TTC29: variants seen among roughly 807,000 people sequenced by gnomAD.
TTC29 encodes tetratricopeptide repeat domain 29.
Under a neutral mutation model 58.1 loss-of-function variants are expected in TTC29, and 49 were observed. That is an observed-to-expected ratio of 0.84 (90% CI 0.67 to 1.07). The LOEUF (loss-of-function observed/expected upper bound fraction) is 1.07, where lower values mean the gene tolerates loss of function less well. Ranked by LOEUF, TTC29 falls within the 50% of genes least tolerant of loss-of-function variation. The pLI is 0.00. For missense variants in TTC29, 582 were observed against 555.6 expected (o/e 1.05, Z -0.48); for synonymous variants, 209 against 196.8 (o/e 1.06, Z -0.52).
intron 8 of TTC29, among the ~76,000 whole-genome samples, chr4:146,853,701 G>T (rs558528473): frequency 1.3e-5 from 2 of 152,084 alleles, no homozygotes; most frequent in Non-Finnish European, 2.9e-5. Flanking sequence ...GTCAAAAGAT[G>T]TACAAAATTT....
intron 4 of TTC29, among the ~76,000 whole-genome samples, chr4:146,930,700 G>C (rs1735274105): frequency 6.6e-6 from 1 of 152,178 alleles, no homozygotes; most frequent in African/African-American, 2.4e-5. Context: ...AATACAGAAA[G>C]AAGACACTAT....
intron 11 of TTC29, among the ~76,000 whole-genome samples, chr4:146,793,969 G>A (rs781594704): frequency 7.9e-5 from 12 of 152,112 alleles, no homozygotes; most frequent in Non-Finnish European, 1.5e-4. Context: ...ATCTATTTAA[G>A]CATCCACTTG....
At chr4:146,779,004 G>GAAAAAAAAAAA (rs71592470) in intron 11 of TTC29, among the ~76,000 whole-genome samples, 5 of 79,840 alleles carry the variant, frequency 6.3e-5, no homozygotes, top group Admixed American at 1.6e-4. Context: ...AAAAAAAAAA[G>GAAAAAAAAAAA]AAAAGAAAAG....
chr4:146,872,762 C>G (rs1027218243), intron 7 of TTC29, among the ~76,000 whole-genome samples: 2 of 152,054 alleles, frequency 1.3e-5, no homozygotes, highest in African/African-American at 4.8e-5. Flanking sequence ...AATGGCTAAA[C>G]TTAAACCCTC....
intron 10 of TTC29, among the ~76,000 whole-genome samples, chr4:146,810,588 CTTTTTTTTT>C (rs398051307): frequency 1.0e-5 from 1 of 96,284 alleles, no homozygotes; most frequent in African/African-American, 4.0e-5. Context: ...TACATACCTT[CTTTTTTTTT>C]TTTTTTTTTT....
intron 11 of TTC29, among the ~76,000 whole-genome samples, chr4:146,734,008 GA>G (rs1394737642): frequency 6.6e-6 from 1 of 152,078 alleles, no homozygotes; most frequent in Non-Finnish European, 1.5e-5. Flanking sequence ...CTAATAAATG[GA>G]AACATTGGAT....
At chr4:146,846,371 A>G (rs567952146) in intron 8 of TTC29, among the ~76,000 whole-genome samples, 27 of 152,298 alleles carry the variant, frequency 1.8e-4, no homozygotes, top group African/African-American at 6.3e-4. Context: ...CCGGTGGGTC[A>G]GAGACTGAAC....
intron 11 of TTC29, among the ~76,000 whole-genome samples, chr4:146,791,520 CCT>C (rs1042870699): frequency 7.0e-4 from 106 of 152,214 alleles, no homozygotes; most frequent in African/African-American, 2.4e-3. Flanking sequence ...CAGCCATTCC[CCT>C]GTCTCTCCCC....
At chr4:146,872,844 A>G (rs1206492862) in intron 7 of TTC29, among the ~76,000 whole-genome samples, 5 of 152,104 alleles carry the variant, frequency 3.3e-5, no homozygotes, top group Non-Finnish European at 7.4e-5. Flanking sequence ...TAAGTTGAAC[A>G]CAGTTATCAT....
chr4:146,877,507 C>A (rs1731346889), intron 6 of TTC29, among the ~76,000 whole-genome samples: 1 of 152,096 alleles, frequency 6.6e-6, no homozygotes, highest in African/African-American at 2.4e-5. Context: ...TCATCTCTCC[C>A]ACGTAGCACC....
At chr4:146,932,715 G>T (rs1024487909) in intron 4 of TTC29, among the ~76,000 whole-genome samples, 1 of 152,066 alleles carries the variant, frequency 6.6e-6, no homozygotes, top group African/African-American at 2.4e-5. Flanking sequence ...TTTACTTTGA[G>T]TAAGTATAAT....
At chr4:146,897,524 G>A (rs1034694390) in intron 6 of TTC29, among the ~76,000 whole-genome samples, 6 of 152,026 alleles carry the variant, frequency 3.9e-5, no homozygotes, top group East Asian at 1.9e-4. Context: ...TCCCTCTCCC[G>A]CTCCCTGCCA....
intron 4 of TTC29, among the ~76,000 whole-genome samples, chr4:146,930,822 G>A (rs1735283919): frequency 6.6e-6 from 1 of 152,098 alleles, no homozygotes; most frequent in Non-Finnish European, 1.5e-5. Flanking sequence ...CATCCTCTGT[G>A]GTACCTGTGT....
At chr4:146,772,682 C>A (rs1474704895) in intron 11 of TTC29, among the ~76,000 whole-genome samples, 5 of 152,168 alleles carry the variant, frequency 3.3e-5, no homozygotes, top group African/African-American at 1.2e-4. Flanking sequence ...GTTCTTCTTG[C>A]TTAGGATTGT....
At chr4:146,927,574 A>G (rs1485140896) in intron 4 of TTC29, among the ~76,000 whole-genome samples, 2 of 152,194 alleles carry the variant, frequency 1.3e-5, no homozygotes, top group African/African-American at 4.8e-5. Context: ...TAATACATAC[A>G]TACAACATAC....
chr4:146,733,809 C>T (rs918533063), intron 11 of TTC29, among the ~76,000 whole-genome samples: 2 of 152,100 alleles, frequency 1.3e-5, no homozygotes, highest in Admixed American at 6.6e-5. Flanking sequence ...TTCAGTGTAA[C>T]CTAGACATCT....
chr4:146,852,281 G>T (rs1368580790), intron 8 of TTC29, among the ~76,000 whole-genome samples: 1 of 152,178 alleles, frequency 6.6e-6, no homozygotes, highest in East Asian at 1.9e-4. Context: ...TTCATTAAGT[G>T]GAACAGATGA....
intron 6 of TTC29, among the ~76,000 whole-genome samples, chr4:146,902,202 C>A (rs774397688): frequency 6.6e-6 from 1 of 152,190 alleles, no homozygotes; most frequent in African/African-American, 2.4e-5. Flanking sequence ...CACAGACAGA[C>A]TGATATCACA....
At chr4:146,871,705 G>A (rs886567134) in intron 7 of TTC29, among the ~76,000 whole-genome samples, 1 of 151,444 alleles carries the variant, frequency 6.6e-6, no homozygotes, top group Non-Finnish European at 1.5e-5. Flanking sequence ...AACAAAAGAA[G>A]GCAGTACATA....
Sources: allele counts gnomAD v4.1 joint callset (sites outside exome capture counted in the v4.1 genomes callset), GRCh38; gene constraint gnomAD v4.1.1; transcripts MANE v1.5; gene names NCBI Gene and HGNC (gene_info 2026-07-23, HGNC 2026-07-21).